The following NPRL3 variants were observed in gnomAD, a reference collection of about 807,000 sequenced individuals.
NPRL3 encodes the protein GATOR1 complex protein NPRL3.
A neutral mutation model predicts 57.2 loss-of-function variants in NPRL3; 23 were observed. The observed-to-expected ratio is 0.40, with a 90% CI of 0.29 to 0.57. NPRL3 has a LOEUF of 0.57. Among genes scored for constraint, NPRL3 ranks in the 20% least tolerant of loss-of-function variants. The pLI is 0.42. For synonymous variants in NPRL3, 333 were observed against 321.1 expected (o/e 1.04, Z -0.39); for missense variants, 691 against 767.1 (o/e 0.90, Z 1.17).
intron 5 of NPRL3, among the ~76,000 whole-genome samples, chr16:115,773 T>G (rs763032): frequency 6.6e-6 from 1 of 152,268 alleles, no homozygotes; most frequent in Non-Finnish European, 1.5e-5. Flanking sequence ...GGCGTAAGCA[T>G]TTGTGCTCGG....
At chr16:88,579 C>CTCGA (rs1420547776) in intron 13 of NPRL3, 119 bp downstream of exon 13, 1 of 930,590 alleles carries the variant, frequency 1.1e-6, no homozygotes, top group Non-Finnish European at 1.6e-6. Context: ...GAGACTCCAT[C>CTCGA]TCGAACAGGG....
At position 112,697 on chromosome 16, in the gene NPRL3, G is replaced by T. The variant is rs775239262; in HGVS notation, c.472C>A (p.Arg158Ser). 2.5e-6 allele frequency: 4 copies of T among 1,610,858 alleles called. No individual in the cohort carries two copies. The highest frequency in any genetic ancestry group is 1.3e-5 in the African/African-American group (1 of 75,002). ...RIATVLQHEE[R>S]RCQYLTREAK... ...TCCCGGGTGAGGTACTGGCAGCGGC[G>T]CTCCTCGTGCTGCAGCACGGTGGCG... The change falls in exon 6 of 14, where the codon CGC becomes AGC. Residue 158 changes from arginine to serine, a missense_variant. Arg to Ser is a moderately radical substitution (Grantham distance 110). Transcript: ENST00000611875.
Position 93,265 on chromosome 16 carries a change from A to C in NPRL3, c.985T>G (p.Cys329Gly), listed in dbSNP as rs748965799. The change falls in exon 10 of 14, where the codon TGT becomes GGT. Residue 329 changes from cysteine (C) to glycine (G), a missense_variant. Cys to Gly is a radical substitution (Grantham distance 159). Coordinates refer to ENST00000611875, the MANE Select transcript of NPRL3 (RefSeq NM_001077350.3). ...WGKAIIIYPLCENNVYMLSPN... is the reference protein window; with the variant it reads ...WGKAIIIYPLGENNVYMLSPN... ...GACAGCATGTAGACGTTGTTCTCAC[A>C]CAGCGGGTAGATGATGATGGCCTTG... The C allele has an allele frequency of 6.4e-7, 1 of 1,560,998 alleles. No individual in the cohort carries two copies. Among genetic ancestry groups the C allele is most frequent in the Non-Finnish European group, 8.7e-7 (1 of 1,152,444 alleles).
chr16:121,442 A>G (rs1206807135), intron 3 of NPRL3, among the ~76,000 whole-genome samples: 1 of 151,920 alleles, frequency 6.6e-6, no homozygotes, highest in East Asian at 2.0e-4. Flanking sequence ...GGCCAACATA[A>G]TGAAACCCCC....
chr16:102,646 G>A (rs927087391), intron 7 of NPRL3, among the ~76,000 whole-genome samples: 1 of 152,152 alleles, frequency 6.6e-6, no homozygotes. Flanking sequence ...TCAGCTCCCA[G>A]TTGGCGGGAC....
At chr16:92,216 A>T (rs1330300025) in intron 11 of NPRL3, among the ~76,000 whole-genome samples, 3 of 152,216 alleles carry the variant, frequency 2.0e-5, no homozygotes, top group African/African-American at 7.2e-5. Flanking sequence ...CAGTGAGAAC[A>T]AAACTGCCTT....
At chr16:132,615 A>G (rs117442847) in intron 2 of NPRL3, among the ~76,000 whole-genome samples, 2,515 of 151,696 alleles carry the variant, frequency 0.017, 56 homozygotes, top group East Asian at 0.07. Flanking sequence ...TTTTGCCCTG[A>G]TCTGTCCAAG....
intron 9 of NPRL3, among the ~76,000 whole-genome samples, chr16:96,431 G>GT (rs796261909): frequency 3.4e-4 from 51 of 152,214 alleles, no homozygotes; most frequent in African/African-American, 1.2e-3. Context: ...GTATGGAGTG[G>GT]TGAGTTCTTT....
At position 108,633 on chromosome 16, in the gene NPRL3, T is replaced by A. The variant is rs185396125; in HGVS notation, c.629+1892A>T. ...AAAAAAAGAATTAAAAAGTATTTTT[T>A]AAATTTTATTTATTTTTTATTTTAC... On this transcript the variant is annotated intron_variant, in intron 7 of 13. Transcript: ENST00000611875. 3.0e-3 allele frequency among the ~76,000 whole-genome samples: 443 copies of A among 150,044 alleles called. 2 individuals are homozygous for A. The highest frequency in any genetic ancestry group is 0.01 in the African/African-American group (412 of 40,440).
chr16:115,267 G>A (rs539010771), intron 5 of NPRL3, among the ~76,000 whole-genome samples: 45 of 152,010 alleles, frequency 3.0e-4, no homozygotes, highest in African/African-American at 9.4e-4. Context: ...GAGCCACTGT[G>A]CCTGGACAAA....
Position 112,737 on chromosome 16 carries a change from G to A in NPRL3, c.432C>T (p.Asn144=), listed in dbSNP as rs371406653. 192 of 1,611,648 alleles carry A rather than the reference G, an allele frequency of 1.2e-4. No homozygotes were observed. The highest frequency in any genetic ancestry group is 1.5e-4 in the Non-Finnish European group (182 of 1,178,450). ...ADPSVINCLH[N]LSRRIATVLQ... The stretch of plus-strand genomic sequence containing the variant: ...GCACGGTGGCGATACGACGGGACAG[G>A]TTATGCAGACAGTTTATCACTGACG... The change falls in exon 6 of 14, where the codon AAC becomes AAT. Residue 144 remains asparagine, a synonymous_variant. Transcript: ENST00000611875.
chr16:86,731 C>T lies in NPRL3; in HGVS notation c.1684G>A (p.Ala562Thr). 6.4e-7 allele frequency: 1 copy of T among 1,567,230 alleles called. No homozygotes were observed. The highest frequency in any genetic ancestry group is 8.6e-7 in the Non-Finnish European group (1 of 1,157,224). The stretch of plus-strand genomic sequence containing the variant: ...CAGGGGAGCAGAGCCTGGAAGACGG[C>T]AATGACAGGGTCCTCGTGGGTGGTC... ...VVTTHEDPVIAVFQALLP is the reference protein window; with the variant it reads ...VVTTHEDPVITVFQALLP The change falls in exon 14 of 14, where the codon GCC becomes ACC. Residue 562 changes from alanine (A) to threonine (T), a missense_variant. Transcript: ENST00000611875.
intron 3 of NPRL3, among the ~76,000 whole-genome samples, chr16:128,649 T>A (rs1417922909): frequency 6.6e-6 from 1 of 152,122 alleles, no homozygotes; most frequent in Non-Finnish European, 1.5e-5. Flanking sequence ...TCGCCTGTAG[T>A]CCCAGCTACT....
chr16:107,394 C>T (rs1899580352), intron 7 of NPRL3, among the ~76,000 whole-genome samples: 1 of 151,970 alleles, frequency 6.6e-6, no homozygotes. Context: ...CCTGTCATCC[C>T]AGCATTTTGG....
chr16:124,141 G>A (rs1353327249), intron 3 of NPRL3, among the ~76,000 whole-genome samples: 3 of 150,616 alleles, frequency 2.0e-5, no homozygotes, highest in African/African-American at 7.4e-5. Context: ...CACTCCCCAC[G>A]CTGAGAAACA....
intron 11 of NPRL3, chr16:90,937 G>T (rs2238364): frequency 0.68 from 103,707 of 151,948 alleles, 39,073 homozygotes; most frequent in Non-Finnish European, 0.83. Flanking sequence ...AAAATTAGCC[G>T]GGTGTGGTGG....
chr16:109,356 TCA>T (rs1051494681), intron 7 of NPRL3, among the ~76,000 whole-genome samples: 3 of 152,080 alleles, frequency 2.0e-5, no homozygotes, highest in Admixed American at 6.6e-5. Flanking sequence ...CTTGCTGCCC[TCA>T]CACAGTCAGT....
chr16:108,479 T>C (rs1048137924), intron 7 of NPRL3, among the ~76,000 whole-genome samples: 2 of 152,022 alleles, frequency 1.3e-5, no homozygotes, highest in South Asian at 2.1e-4. Context: ...TTTTCCCTAT[T>C]AGTAATGCCT....
intron 7 of NPRL3, among the ~76,000 whole-genome samples, chr16:110,247 C>T (rs1275241141): frequency 6.6e-6 from 1 of 151,332 alleles, no homozygotes; most frequent in Non-Finnish European, 1.5e-5. Flanking sequence ...CTAGCCTGGG[C>T]AACAAAAGCA....
Sources: allele counts gnomAD v4.1 joint callset (sites outside exome capture counted in the v4.1 genomes callset), GRCh38; gene constraint gnomAD v4.1.1; transcripts MANE v1.5; gene names NCBI Gene and HGNC (gene_info 2026-07-23, HGNC 2026-07-21).